The following PHC3 variants were observed in gnomAD, a reference collection of about 807,000 sequenced individuals.
The protein encoded by PHC3 is polyhomeotic-like protein 3.
A neutral mutation model predicts 107.4 loss-of-function variants in PHC3; 13 were observed. The ratio of observed to expected loss-of-function variants is 0.12; its 90% CI spans 0.08 to 0.19. The LOEUF is 0.19. Ranked by LOEUF, PHC3 falls within the 10% of genes least tolerant of loss-of-function variation. The pLI, the probability that PHC3 is intolerant of heterozygous loss-of-function variation, is 1.00. For missense variants in PHC3, 992 were observed against 1,210.9 expected, an observed-to-expected ratio of 0.82 and a Z score of 2.68; for synonymous variants, 456 against 427.4, an observed-to-expected ratio of 1.07 and a Z score of -0.83.
At chr3:170,103,055 G>A (rs1487595433) in intron 12 of PHC3, 121 bp from the exon 13 acceptor site, 21 of 998,838 alleles carry the variant, frequency 2.1e-5, no homozygotes, top group Non-Finnish European at 2.9e-5. Context: ...ATTAATGAAT[G>A]TAAGACCTCA....
At chr3:170,125,296 G>A (rs923496136) in intron 8 of PHC3, among the ~76,000 whole-genome samples, 3 of 151,972 alleles carry the variant, frequency 2.0e-5, no homozygotes, top group Non-Finnish European at 4.4e-5. Flanking sequence ...AAGTGTCTGG[G>A]GGGTTAAGAA....
In PHC3 at chr3:170,096,958, C is replaced by T. The variant is rs956915186; in HGVS notation, c.*272G>A. On this transcript the variant is annotated 3_prime_UTR_variant, in exon 15 of 15. Coordinates refer to ENST00000495893, the MANE Select transcript of PHC3 (RefSeq NM_024947.4). Reference sequence around the variant, plus strand: ...TTTAAAAAAATTATCTAGTATAACACATTTCTTTGAAAAATATCATGGCCC... The same window carrying T: ...TTTAAAAAAATTATCTAGTATAACATATTTCTTTGAAAAATATCATGGCCC... The T allele has an allele frequency of 8.5e-5, 23 of 270,126 alleles. No homozygotes were observed. The highest frequency in any genetic ancestry group is 1.6e-4 in the Non-Finnish European group (23 of 145,900). 16.7% of individuals were successfully genotyped at this position (270,126 alleles called of 1,614,324 possible).
rs1713694421 is a variant in PHC3 at position 170,088,260 on chromosome 3, A to G, written c.*8970T>C. 1 of 152,208 alleles carries G rather than the reference A, an allele frequency of 6.6e-6. No individual in the cohort carries two copies. The highest frequency in any genetic ancestry group is 6.5e-5 in the Admixed American group (1 of 15,286). The allele number at this position is 152,208 out of a possible 1,614,324, so 9.4% of individuals were successfully genotyped here. A position where few individuals can be genotyped will look rare whatever the true frequency, so the allele number is the denominator to read the frequency against. ...AATATGAAAGTCCTATTTTAGAACA[A>G]TGGGAGGAACCAAAAGGGGAATTAA... On this transcript the variant is annotated 3_prime_UTR_variant, in exon 15 of 15. Coordinates refer to ENST00000495893, the MANE Select transcript of PHC3 (RefSeq NM_024947.4).
In PHC3 at chr3:170,154,360, G is replaced by A. The variant is rs116245986; in HGVS notation, c.415-5116C>T. 3.6e-3 allele frequency among the ~76,000 whole-genome samples: 549 copies of A among 152,218 alleles called. 2 individuals are homozygous for A. The highest frequency in any genetic ancestry group is 0.012 in the African/African-American group (512 of 41,532). On this transcript the variant is annotated intron_variant, in intron 4 of 14. Transcript: ENST00000495893. ...TTCTGACTCATGTATTTTGGCATTC[G>A]GGGTACTTTTTTAATATCCTGATAG...
Position 170,149,240 on chromosome 3 carries a change from T to C in PHC3, c.419A>G (p.Asn140Ser), listed in dbSNP as rs1725499958. The C allele has an allele frequency of 2.5e-6, 4 of 1,608,814 alleles. No homozygotes were observed. The highest frequency in any genetic ancestry group is 1.3e-5 in the African/African-American group (1 of 74,718). ...TGCAGGTGTAGGAGAAGTGGAGAGG[T>C]TGATCTAAGGAAGAAAACATATTAG... is the stretch of plus-strand genomic sequence containing the variant. The part of the protein sequence containing the change: ...QQSSMSQTSI[N>S]LSTSPTPAQL... The change falls in exon 5 of 15, where the codon AAC becomes AGC. Residue 140 changes from asparagine to serine, a missense_variant. Physicochemically the swap from Asn to Ser is conservative, Grantham distance 46 (BLOSUM62 1). Coordinates refer to ENST00000495893, the MANE Select transcript of PHC3 (RefSeq NM_024947.4).
chr3:170,133,990 T>C (rs1173588235), intron 7 of PHC3, among the ~76,000 whole-genome samples: 1 of 151,984 alleles, frequency 6.6e-6, no homozygotes, highest in Non-Finnish European at 1.5e-5. Context: ...TCACTAGAAA[T>C]TGTCCCTGAG....
intron 4 of PHC3, among the ~76,000 whole-genome samples, chr3:170,152,934 T>C (rs1346722939): frequency 6.6e-6 from 1 of 152,144 alleles, no homozygotes; most frequent in Non-Finnish European, 1.5e-5. Flanking sequence ...AGTGCTGGGA[T>C]TACCAGCATG....
At chr3:170,103,846 G>A (rs528191093) in intron 12 of PHC3, among the ~76,000 whole-genome samples, 1 of 152,172 alleles carries the variant, frequency 6.6e-6, no homozygotes, top group Non-Finnish European at 1.5e-5. Flanking sequence ...AAGCTCCAGA[G>A]TTCAAGACCA....
intron 13 of PHC3, 39 bp from the exon 14 acceptor site, chr3:170,102,749 T>C: frequency 1.2e-6 from 2 of 1,613,306 alleles, no homozygotes; most frequent in Non-Finnish European, 1.7e-6. Context: ...GCATTGCACT[T>C]TCCTTGCATT....
At chr3:170,178,687 A>C (rs1730908312) in intron 2 of PHC3, 86 bp downstream of exon 2, 1 of 1,407,060 alleles carries the variant, frequency 7.1e-7, no homozygotes, top group Admixed American at 1.7e-5. Context: ...ACATTTGAGA[A>C]TATGAAACAA....
intron 4 of PHC3, among the ~76,000 whole-genome samples, chr3:170,166,800 G>C (rs1728811277): frequency 6.6e-6 from 1 of 151,810 alleles, no homozygotes. Context: ...GAGCAGCTGG[G>C]ACTGCAGGCA....
intron 14 of PHC3, among the ~76,000 whole-genome samples, chr3:170,098,036 T>C (rs764455230): frequency 4.6e-5 from 7 of 152,196 alleles, no homozygotes; most frequent in Non-Finnish European, 1.0e-4. Context: ...TCCACTTTTG[T>C]TAAGAAAACA....
rs889770482 is a variant in PHC3, at chr3:170,091,690, T to C, written c.*5540A>G. 3 of 152,192 alleles carry C rather than the reference T, an allele frequency of 2.0e-5. No individual in the cohort carries two copies. The highest frequency in any genetic ancestry group is 7.2e-5 in the African/African-American group (3 of 41,460). The allele number at this position is 152,192 out of a possible 1,614,324, so 9.4% of individuals were successfully genotyped here. A position where few individuals can be genotyped will look rare whatever the true frequency, so the allele number is the denominator to read the frequency against. ...AGATTCTCCCTTAATGTATGTTTTC[T>C]AAATTGAAAGTTTAGAAAAAGCCAT... On this transcript the variant is annotated 3_prime_UTR_variant, in exon 15 of 15. Transcript: ENST00000495893.
intron 9 of PHC3, among the ~76,000 whole-genome samples, chr3:170,122,078 C>A (rs942836644): frequency 6.6e-6 from 1 of 152,000 alleles, no homozygotes; most frequent in African/African-American, 2.4e-5. Flanking sequence ...CGGGATGAGA[C>A]CCTATCTCTA....
chr3:170,115,418 A>G (rs1207471180), intron 10 of PHC3, among the ~76,000 whole-genome samples: 1 of 152,158 alleles, frequency 6.6e-6, no homozygotes. Context: ...CACAGTATGT[A>G]TATGTACATA....
chr3:170,181,728 A>G lies in PHC3; in HGVS notation c.-13T>C. 6.2e-7 allele frequency: 1 copy of G among 1,611,996 alleles called. No individual in the cohort carries two copies. Among genetic ancestry groups the G allele is most frequent in the Non-Finnish European group, 8.5e-7 (1 of 1,179,532 alleles). On this transcript the variant is annotated 5_prime_UTR_variant, in exon 1 of 15. It removes an upstream start codon present in the reference 5' UTR. Coordinates refer to ENST00000495893, the MANE Select transcript of PHC3 (RefSeq NM_024947.4). ...CCGCTTCCGCCATCTTCTCTCCTCC[A>G]TCACTAACATGGGCTGCGCATGCGC...
chr3:170,141,260 A>T (rs549591426), intron 6 of PHC3, among the ~76,000 whole-genome samples: 1 of 152,356 alleles, frequency 6.6e-6, no homozygotes, highest in East Asian at 1.9e-4. Flanking sequence ...AGCATCACCT[A>T]CCAATGCCAG....
chr3:170,112,972 A>C (rs531318805), intron 11 of PHC3, among the ~76,000 whole-genome samples: 1 of 152,384 alleles, frequency 6.6e-6, no homozygotes, highest in East Asian at 1.9e-4. Flanking sequence ...GTCTGAAACG[A>C]AACAACCCAG....
intron 10 of PHC3, among the ~76,000 whole-genome samples, chr3:170,115,252 T>C (rs1263861089): frequency 6.6e-6 from 1 of 152,104 alleles, no homozygotes; most frequent in Non-Finnish European, 1.5e-5. Flanking sequence ...AAGTGAAATA[T>C]TATGTAACCT....
Sources: allele counts gnomAD v4.1 joint callset (sites outside exome capture counted in the v4.1 genomes callset), GRCh38; gene constraint gnomAD v4.1.1; transcripts MANE v1.5; gene names NCBI Gene and HGNC (gene_info 2026-07-23, HGNC 2026-07-21).